The following ACYP2 variants were observed in gnomAD, a reference collection of about 807,000 sequenced individuals.
ACYP2 encodes the protein acylphosphatase 2.
A neutral mutation model predicts 11.2 loss-of-function variants in ACYP2; 12 were observed. The ratio of observed to expected loss-of-function variants is 1.08; its 90% CI spans 0.69 to 1.74. ACYP2 has a LOEUF of 1.74. Ranked by LOEUF, ACYP2 falls within the 40% of genes most tolerant of loss-of-function variation. ACYP2 has a pLI of 0.00. For synonymous variants in ACYP2, 43 were observed against 32.2 expected (o/e 1.33, Z -1.13); for missense variants, 134 against 101.9 (o/e 1.31, Z -1.35).
chr2:54,000,791 C>T (rs1672761521), intron 2 of ACYP2, among the ~76,000 whole-genome samples: 1 of 152,184 alleles, frequency 6.6e-6, no homozygotes, highest in Admixed American at 6.6e-5. Flanking sequence ...CTTCCATTCC[C>T]ATTCCTTTGG....
chr2:54,153,593 CT>C lies in ACYP2; in HGVS notation c.404+14857del, dbSNP rs58880193. ...TGAAGGTCATTTTGGGTAGTGTGGA[CT>C]TTTTTTTTTTTCTTTTTTTTTTTGA... On this transcript the variant is annotated intron_variant, in intron 6 of 6. Coordinates refer to ENST00000607452, the MANE Select transcript of ACYP2 (RefSeq NM_001320586.2). Among the ~76,000 whole-genome samples, 259 of 137,638 alleles carry C rather than the reference CT, an allele frequency of 1.9e-3. 1 individual carries two copies. The highest frequency in any genetic ancestry group is 5.3e-3 in the African/African-American group (198 of 37,488). 90.3% of individuals were successfully genotyped at this position (137,638 alleles called of 152,430 possible). A position where few individuals can be genotyped will look rare whatever the true frequency, so the allele number is the denominator to read the frequency against.
At chr2:54,200,231 G>C (rs1024057276) in intron 6 of ACYP2, among the ~76,000 whole-genome samples, 10 of 152,138 alleles carry the variant, frequency 6.6e-5, no homozygotes, top group Admixed American at 5.2e-4. Context: ...CATCTATAAA[G>C]TACAGATGGT....
intron 6 of ACYP2, among the ~76,000 whole-genome samples, chr2:54,164,361 G>A (rs1033600973): frequency 6.6e-6 from 1 of 152,166 alleles, no homozygotes; most frequent in Non-Finnish European, 1.5e-5. Context: ...GTGCACCAAG[G>A]AATCATTGAA....
intron 6 of ACYP2, among the ~76,000 whole-genome samples, chr2:54,178,004 A>G (rs1212927346): frequency 1.3e-5 from 2 of 150,122 alleles, no homozygotes; most frequent in African/African-American, 4.9e-5. Flanking sequence ...TCCCAGATTC[A>G]AGCAATTCTC....
At chr2:54,223,094 T>C (rs1355504263) in intron 6 of ACYP2, 1 of 152,196 alleles carries the variant, frequency 6.6e-6, no homozygotes, top group Non-Finnish European at 1.5e-5. Context: ...GTGAGTGCCT[T>C]CTTTGACTCT....
intron 6 of ACYP2, among the ~76,000 whole-genome samples, chr2:54,261,323 G>A (rs1223434557): frequency 6.6e-6 from 1 of 151,978 alleles, no homozygotes; most frequent in Non-Finnish European, 1.5e-5. Flanking sequence ...GGGAGAACAA[G>A]GAGAGCTATA....
chr2:54,092,285 T>C (rs1678276819), intron 4 of ACYP2, among the ~76,000 whole-genome samples: 1 of 152,282 alleles, frequency 6.6e-6, no homozygotes, highest in Admixed American at 6.5e-5. Context: ...AGGAACCACA[T>C]TTCAGCAGGA....
At chr2:54,243,011 G>T (rs912679105) in intron 6 of ACYP2, among the ~76,000 whole-genome samples, 1 of 152,114 alleles carries the variant, frequency 6.6e-6, no homozygotes, top group African/African-American at 2.4e-5. Context: ...ATAAGAATTT[G>T]CTTAATATGA....
chr2:54,225,798 T>C (rs935176633), intron 6 of ACYP2, among the ~76,000 whole-genome samples: 1 of 152,274 alleles, frequency 6.6e-6, no homozygotes. Context: ...ATTTTTTTTT[T>C]ACTTGTTTCT....
intron 6 of ACYP2, among the ~76,000 whole-genome samples, chr2:54,301,413 C>T (rs1689721010): frequency 6.6e-6 from 1 of 152,150 alleles, no homozygotes; most frequent in African/African-American, 2.4e-5. Flanking sequence ...TAATATAAAT[C>T]ACATTGCCTA....
intron 4 of ACYP2, among the ~76,000 whole-genome samples, chr2:54,135,050 C>T (rs185177775): frequency 8.5e-5 from 13 of 152,254 alleles, no homozygotes; most frequent in East Asian, 5.8e-4. Context: ...TTCTCTTTGG[C>T]GCATTTGCCA....
intron 6 of ACYP2, among the ~76,000 whole-genome samples, chr2:54,249,616 T>A (rs1687120292): frequency 6.6e-6 from 1 of 152,104 alleles, no homozygotes; most frequent in South Asian, 2.1e-4. Context: ...AATCTTCATA[T>A]TTAGAAGAGA....
intron 2 of ACYP2, among the ~76,000 whole-genome samples, chr2:53,986,940 A>G (rs1672066425): frequency 6.6e-6 from 1 of 152,182 alleles, no homozygotes; most frequent in South Asian, 2.1e-4. Context: ...TCTTTTCTTT[A>G]TAAATTATCC....
At chr2:53,993,238 G>A (rs574553075) in intron 2 of ACYP2, among the ~76,000 whole-genome samples, 28 of 152,272 alleles carry the variant, frequency 1.8e-4, no homozygotes, top group Admixed American at 1.5e-3. Context: ...TCAGATGAGA[G>A]ATGCTAGCCC....
chr2:53,973,707 T>A lies in ACYP2; in HGVS notation c.-36-6T>A, dbSNP rs946927621. 3.5e-6 allele frequency: 1 copy of A among 287,296 alleles called. No individual in the cohort carries two copies. Among genetic ancestry groups the A allele is most frequent in the African/African-American group, 2.2e-5 (1 of 45,146 alleles). The allele number at this position is 287,296 out of a possible 1,614,324, so 17.8% of individuals were successfully genotyped here. A position where few individuals can be genotyped will look rare whatever the true frequency, so the allele number is the denominator to read the frequency against. Reference sequence around the variant, plus strand: ...TCCCAACACCCTTTGCTGACTCCTTTTTCAGACTCAGCCTGCCTGCACCCA... The same window carrying A: ...TCCCAACACCCTTTGCTGACTCCTTATTCAGACTCAGCCTGCCTGCACCCA... On this transcript the variant is annotated splice_region_variant and splice_polypyrimidine_tract_variant and intron_variant, in intron 1 of 6. Transcript: ENST00000607452.
intron 6 of ACYP2, among the ~76,000 whole-genome samples, chr2:54,201,680 T>C (rs189842525): frequency 0.018 from 1,903 of 107,064 alleles, 34 homozygotes; most frequent in African/African-American, 0.047. Flanking sequence ...CTTTCTTTCT[T>C]TCTCTCTCTC....
intron 6 of ACYP2, among the ~76,000 whole-genome samples, chr2:54,193,146 A>C (rs1171225676): frequency 2.6e-5 from 4 of 152,236 alleles, no homozygotes; most frequent in Non-Finnish European, 1.5e-5. Flanking sequence ...AAATTGTTTT[A>C]AGACTTATTG....
intron 2 of ACYP2, among the ~76,000 whole-genome samples, chr2:54,032,040 G>A (rs556735576): frequency 1.4e-4 from 22 of 152,180 alleles, no homozygotes; most frequent in Non-Finnish European, 3.1e-4. Flanking sequence ...TTTGTCAGAT[G>A]AGTAGATTGC....
At chr2:54,165,810 A>G (rs562560719) in intron 6 of ACYP2, among the ~76,000 whole-genome samples, 1 of 152,188 alleles carries the variant, frequency 6.6e-6, no homozygotes, top group East Asian at 1.9e-4. Context: ...GGATGAAGGA[A>G]TCTTCTGGCG....
Sources: gnomAD v4.1 joint callset for allele counts (sites outside exome capture counted in the v4.1 genomes callset) on GRCh38, gnomAD v4.1.1 for gene constraint, MANE v1.5 for transcripts, NCBI Gene and HGNC (gene_info 2026-07-23, HGNC 2026-07-21) for gene names.